The following ELAPOR1 variants were observed in gnomAD, a reference collection of about 807,000 sequenced individuals.
ELAPOR1 encodes the protein endosome-lysosome associated apoptosis and autophagy regulator 1, also known as endosome/lysosome-associated apoptosis and autophagy regulator 1.
Under a neutral mutation model 119.7 loss-of-function variants are expected in ELAPOR1, and 77 were observed. The ratio of observed to expected loss-of-function variants is 0.64; its 90% CI spans 0.54 to 0.78. ELAPOR1 has a LOEUF of 0.78. ELAPOR1 is among the 30% of genes least tolerant of loss of function. The pLI, the probability that ELAPOR1 is intolerant of heterozygous loss-of-function variation, is 0.00. For missense variants in ELAPOR1, 1,115 were observed against 1,270.4 expected (o/e 0.88, Z 1.86); for synonymous variants, 481 against 487.2 (o/e 0.99, Z 0.17).
At chr1:109,186,642 G>C (rs921397339) in intron 8 of ELAPOR1, 1 of 985,302 alleles carries the variant, frequency 1.0e-6, no homozygotes, top group Admixed American at 6.1e-5. Context: ...CTGGTATTCT[G>C]TATGACCTTG....
Position 109,206,613 on chromosome 1 carries a change from C to T in ELAPOR1, c.*3601C>T, listed in dbSNP as rs1484983283. On this transcript the variant is annotated 3_prime_UTR_variant, in exon 22 of 22. Transcript: ENST00000369939. ...AAAGATAAGACTGACTATATTTATA[C>T]AACAGAAACTTTGTAATAGATTTTT... The T allele has an allele frequency of 6.6e-6, 1 of 152,080 alleles. No homozygotes were observed. Among genetic ancestry groups the T allele is most frequent in the Non-Finnish European group, 1.5e-5 (1 of 68,014 alleles). 9.4% of individuals were successfully genotyped at this position (152,080 alleles called of 1,614,324 possible).
At chr1:109,140,413 C>T (rs143101532) in intron 1 of ELAPOR1, among the ~76,000 whole-genome samples, 10,848 of 152,206 alleles carry the variant, frequency 0.071, 438 homozygotes, top group Non-Finnish European at 0.09. Flanking sequence ...TGAAGGCCCT[C>T]GTAAACCTTA....
At position 109,199,320 on chromosome 1, in the gene ELAPOR1, G is replaced by A. The variant is rs377231313; in HGVS notation, c.2502-534G>A. ...GAGGAAGACGTTTTGGATATGCTGC[G>A]CCTAAACTGACTGGGGAGATGGGGA... is the stretch of plus-strand genomic sequence containing the variant. On this transcript the variant is annotated intron_variant, in intron 18 of 21. Coordinates refer to ENST00000369939, the MANE Select transcript of ELAPOR1 (RefSeq NM_020775.5). Among the ~76,000 whole-genome samples, 12 of 152,284 alleles carry A rather than the reference G, an allele frequency of 7.9e-5. No homozygotes were observed. In the East Asian group the frequency reaches 1.2e-3, roughly 15 times the overall value.
In ELAPOR1 at chr1:109,164,709, C is replaced by T. The variant is rs1651479279; in HGVS notation, c.467+18C>T. 1 of 1,596,164 alleles carries T rather than the reference C, an allele frequency of 6.3e-7. No individual in the cohort carries two copies. The highest frequency in any genetic ancestry group is 1.7e-5 in the Admixed American group (1 of 59,258). On this transcript the variant is annotated intron_variant, in intron 3 of 21. Transcript: ENST00000369939. The stretch of plus-strand genomic sequence containing the variant: ...TGTACTTCGTGAGTCTGCACACACC[C>T]CCACCCCACCCCCAGCCCACTGGGT...
Position 109,194,606 on chromosome 1 carries a change from C to T in ELAPOR1, c.2121+12C>T, listed in dbSNP as rs1176305494. ...TCTGTGGAAACCAGGTAAGGTATAC[C>T]AGTTGACAGGGTGAAAATTGAATGG... On this transcript the variant is annotated intron_variant, in intron 15 of 21. Coordinates refer to ENST00000369939, the MANE Select transcript of ELAPOR1 (RefSeq NM_020775.5). 12 of 1,611,822 alleles carry T rather than the reference C, an allele frequency of 7.4e-6. No homozygotes were observed. The highest frequency in any genetic ancestry group is 1.0e-5 in the Non-Finnish European group (12 of 1,178,004).
At chr1:109,194,358 T>C (rs1296967331) in intron 14 of ELAPOR1, 63 bp from the exon 15 acceptor site, 1 of 1,487,128 alleles carries the variant, frequency 6.7e-7, no homozygotes, top group Admixed American at 1.7e-5. Flanking sequence ...ACTGCTACTC[T>C]TGGCTGCAGG....
Position 109,202,955 on chromosome 1 carries a change from T to G in ELAPOR1, c.2985T>G (p.Asp995Glu), listed in dbSNP as rs779951713. ...IKSFTSKRTPDGFDSVPLKTS... is the reference protein window; with the variant it reads ...IKSFTSKRTPEGFDSVPLKTS... ...CATCTCTCTTTCAGAGGACTCCTGA[T>G]GGATTTGACTCAGTGCCGCTGAAGA... The change falls in exon 22 of 22, where the codon GAT (aspartate) becomes GAG (glutamate). Residue 995 changes from aspartate to glutamate, a missense_variant. Asp to Glu is a conservative substitution (Grantham distance 45). Coordinates refer to ENST00000369939, the MANE Select transcript of ELAPOR1 (RefSeq NM_020775.5). The G allele has an allele frequency of 4.3e-6, 7 of 1,613,828 alleles. No homozygotes were observed. Among genetic ancestry groups the G allele is most frequent in the Non-Finnish European group, 5.1e-6 (6 of 1,179,904 alleles).
intron 7 of ELAPOR1, among the ~76,000 whole-genome samples, chr1:109,174,333 G>T (rs1225179210): frequency 1.5e-5 from 2 of 135,726 alleles, no homozygotes; most frequent in African/African-American, 5.4e-5. Context: ...AGATCAATTG[G>T]GCCTAGGAGG....
intron 1 of ELAPOR1, among the ~76,000 whole-genome samples, chr1:109,148,379 T>C (rs1570641679): frequency 1.3e-5 from 2 of 152,014 alleles, no homozygotes; most frequent in African/African-American, 4.8e-5. Flanking sequence ...CCTCAGGTGA[T>C]CCGCCCACCT....
At chr1:109,188,074 C>T in intron 8 of ELAPOR1, 103 bp from the exon 9 acceptor site, 1 of 1,479,866 alleles carries the variant, frequency 6.8e-7, no homozygotes, top group African/African-American at 1.4e-5. Flanking sequence ...TCTTACCTGG[C>T]CCAGAATCTG....
In ELAPOR1 at chr1:109,164,653, G is replaced by A; in HGVS notation, c.429G>A (p.Leu143=). The A allele has an allele frequency of 6.2e-7, 1 of 1,614,224 alleles. No homozygotes were observed. The highest frequency in any genetic ancestry group is 1.3e-5 in the African/African-American group (1 of 75,066). Reference sequence around the variant, plus strand: ...CCAGCCTCTCAGCCAACATGGAGCTGGATGACAGTGCTGCTGAGTCCACCG... The same window carrying A: ...CCAGCCTCTCAGCCAACATGGAGCTAGATGACAGTGCTGCTGAGTCCACCG... The part of the protein sequence containing the change: ...GFASLSANME[L]DDSAAESTGN... Residue 143 remains leucine, a synonymous_variant, in exon 3 of 22, where the codon CTG becomes CTA. Transcript: ENST00000369939.
intron 8 of ELAPOR1, chr1:109,187,747 G>A: frequency 1.2e-6 from 1 of 817,072 alleles, no homozygotes; most frequent in Non-Finnish European, 1.5e-6. Flanking sequence ...AATAAGTGGG[G>A]ACATCTCAGC....
chr1:109,154,056 C>A (rs1449465525), intron 1 of ELAPOR1, among the ~76,000 whole-genome samples: 1 of 151,328 alleles, frequency 6.6e-6, no homozygotes, highest in Admixed American at 6.6e-5. Context: ...CCGAGGCGGG[C>A]GGATCACCTG....
Position 109,198,002 on chromosome 1 carries a change from G to A in ELAPOR1, c.2326G>A (p.Asp776Asn), listed in dbSNP as rs144728920. ...LIGVTTDMTL[D>N]GITSPAELFH... is the part of the protein sequence containing the mutation. ...AGGGGTGACAACAGATATGACTCTG[G>A]ATGGAATCACCTCCCCAGCTGAACT... is the stretch of plus-strand genomic sequence containing the variant. Residue 776 changes from aspartate (D) to asparagine (N), a missense_variant, in exon 17 of 22, where the codon GAT (aspartate) becomes AAT (asparagine). Physicochemically the swap from Asp to Asn is conservative, Grantham distance 23. Coordinates refer to ENST00000369939, the MANE Select transcript of ELAPOR1 (RefSeq NM_020775.5). 1 of 1,614,138 alleles carries A rather than the reference G, an allele frequency of 6.2e-7. No individual in the cohort carries two copies. Among genetic ancestry groups the A allele is most frequent in the African/African-American group, 1.3e-5 (1 of 75,040 alleles).
chr1:109,116,248 G>T (rs534783774), intron 1 of ELAPOR1, among the ~76,000 whole-genome samples: 26 of 152,348 alleles, frequency 1.7e-4, no homozygotes, highest in Non-Finnish European at 3.7e-4. Context: ...AAGCTATGGA[G>T]CTCAACCTAC....
At chr1:109,169,002 T>C (rs12727352) in intron 3 of ELAPOR1, among the ~76,000 whole-genome samples, 70,968 of 152,068 alleles carry the variant, frequency 0.47, 17,611 homozygotes, top group African/African-American at 0.65. Flanking sequence ...TTAAATTATT[T>C]ATTAAACTTC....
Position 109,185,143 on chromosome 1 carries a change from A to G in ELAPOR1, c.1041+10A>G. ...CGATGCCAACGGAGAGGTGGGTAGTACAGTCTTGGAGCCCCTTAGCCCCAG... is the reference window on the plus strand; with the variant it reads ...CGATGCCAACGGAGAGGTGGGTAGTGCAGTCTTGGAGCCCCTTAGCCCCAG... On this transcript the variant is annotated intron_variant, in intron 8 of 21. Coordinates refer to ENST00000369939, the MANE Select transcript of ELAPOR1 (RefSeq NM_020775.5). 1 of 1,606,742 alleles carries G rather than the reference A, an allele frequency of 6.2e-7. No homozygotes were observed. Among genetic ancestry groups the G allele is most frequent in the African/African-American group, 1.3e-5 (1 of 74,894 alleles).
At chr1:109,145,272 A>G (rs749255809) in intron 1 of ELAPOR1, among the ~76,000 whole-genome samples, 23 of 152,168 alleles carry the variant, frequency 1.5e-4, no homozygotes, top group Non-Finnish European at 1.0e-4. Flanking sequence ...AGTCTCTAGA[A>G]CGGTGAAAAA....
At chr1:109,196,652 GAAA>G (rs60138593) in intron 15 of ELAPOR1, among the ~76,000 whole-genome samples, 4 of 139,550 alleles carry the variant, frequency 2.9e-5, no homozygotes, top group African/African-American at 5.5e-5. Flanking sequence ...CTACAATCTA[GAAA>G]AAAAAAAAAA....
Sources: gnomAD v4.1 joint callset for allele counts (sites outside exome capture counted in the v4.1 genomes callset) on GRCh38, gnomAD v4.1.1 for gene constraint, MANE v1.5 for transcripts, NCBI Gene and HGNC (gene_info 2026-07-23, HGNC 2026-07-21) for gene names.